CYP3A5: variants seen among roughly 807,000 people sequenced by gnomAD.
CYP3A5 encodes the protein cytochrome P450 family 3 subfamily A member 5.
CYP3A5 carries 51 observed loss-of-function variants against 55.9 expected under a neutral mutation model. That is an observed-to-expected ratio of 0.91 (90% CI 0.73 to 1.15). CYP3A5 has a LOEUF of 1.15. Among genes scored for constraint, CYP3A5 ranks in the 50% most tolerant of loss-of-function variants. The probability of loss-of-function intolerance (pLI) is 0.00; values close to 1 mark genes in which losing one functional copy is unlikely to be tolerated. For synonymous variants in CYP3A5, 196 were observed against 213.9 expected (o/e 0.92, Z 0.73); for missense variants, 533 against 596.6 (o/e 0.89, Z 1.11).
chr7:99,649,261 A>G (rs563552057), intron 12 of CYP3A5, among the ~76,000 whole-genome samples: 7 of 152,342 alleles, frequency 4.6e-5, no homozygotes, highest in African/African-American at 1.4e-4. Context: ...GAAGCCATAG[A>G]TAAGATGGCA....
intron 8 of CYP3A5, 128 bp from the exon 9 acceptor site, chr7:99,663,010 G>A (rs558851002): frequency 1.2e-5 from 18 of 1,457,868 alleles, no homozygotes; most frequent in South Asian, 8.6e-5. Flanking sequence ...TCTTGAAGAC[G>A]TGTTACCTGA....
chr7:99,660,638 G>A lies in CYP3A5; in HGVS notation c.887C>T (p.Ala296Val). Residue 296 changes from alanine (A) to valine (V), a missense_variant, in exon 10 of 13, where the codon GCA (alanine) becomes GTA (valine). Transcript: ENST00000222982. Reference sequence around the variant, plus strand: ...AAAAATGAAGATTATTGACTGGGCTGCGAGCTCCAGATCAGACAGAGCTGA... The same window carrying A: ...AAAAATGAAGATTATTGACTGGGCTACGAGCTCCAGATCAGACAGAGCTGA... Reference protein sequence around the residue: ...SHKALSDLELAAQSIIFIFAG... With the variant: ...SHKALSDLELVAQSIIFIFAG... The A allele has an allele frequency of 6.2e-7, 1 of 1,613,902 alleles. No individual in the cohort carries two copies. The highest frequency in any genetic ancestry group is 8.5e-7 in the Non-Finnish European group (1 of 1,179,860).
intron 2 of CYP3A5, among the ~76,000 whole-genome samples, chr7:99,675,656 CCCCT>C (rs796159622): frequency 2.1e-4 from 7 of 33,188 alleles, no homozygotes; most frequent in East Asian, 7.6e-4. Flanking sequence ...CCCCTCCCCT[CCCCT>C]CCCCTCCCCT....
intron 1 of CYP3A5, among the ~76,000 whole-genome samples, chr7:99,679,125 C>G (rs534989360): frequency 1.2e-4 from 18 of 152,298 alleles, no homozygotes; most frequent in African/African-American, 4.3e-4. Flanking sequence ...AAGAATAAAT[C>G]CTCGAAACTT....
At chr7:99,648,637 G>A (rs1452937300) in intron 12 of CYP3A5, among the ~76,000 whole-genome samples, 1 of 151,078 alleles carries the variant, frequency 6.6e-6, no homozygotes, top group Non-Finnish European at 1.5e-5. Flanking sequence ...TCTGTGCCAG[G>A]CCTGAGACAA....
Position 99,679,928 on chromosome 7 carries a change from A to G in CYP3A5, c.-32T>C. 4 of 1,601,066 alleles carry G rather than the reference A, an allele frequency of 2.5e-6. No homozygotes were observed. The highest frequency in any genetic ancestry group is 3.4e-6 in the Non-Finnish European group (4 of 1,168,270). Reference sequence around the variant, plus strand: ...TTTCCTTCTTCAACTGTGTTCTGTGAGTCTTCCTTTTAGCTGAGTGCTGCT... The same window carrying G: ...TTTCCTTCTTCAACTGTGTTCTGTGGGTCTTCCTTTTAGCTGAGTGCTGCT... On this transcript the variant is annotated 5_prime_UTR_variant, in exon 1 of 13. Transcript: ENST00000222982.
intron 3 of CYP3A5, among the ~76,000 whole-genome samples, chr7:99,673,831 G>T (rs1811946786): frequency 6.6e-6 from 1 of 152,218 alleles, no homozygotes; most frequent in South Asian, 2.1e-4. Context: ...GCAGACACTG[G>T]ACAGAAGGCG....
At chr7:99,660,218 T>TC (rs1810285515) in intron 10 of CYP3A5, 1 of 817,058 alleles carries the variant, frequency 1.2e-6, no homozygotes, top group Non-Finnish European at 1.5e-6. Context: ...ACACTCCTTT[T>TC]TTTTTTTTTT....
intron 4 of CYP3A5, chr7:99,671,915 A>G (rs1584465414): frequency 2.9e-6 from 2 of 695,778 alleles, no homozygotes; most frequent in East Asian, 2.7e-5. Flanking sequence ...CTACCCACAC[A>G]CATAAACACA....
At chr7:99,675,600 C>T (rs1427984624) in intron 2 of CYP3A5, among the ~76,000 whole-genome samples, 1 of 135,392 alleles carries the variant, frequency 7.4e-6, no homozygotes, top group African/African-American at 2.7e-5. Context: ...ACACCTTTTC[C>T]TCTCCTCTCC....
At position 99,648,241 on chromosome 7, in the gene CYP3A5, T is replaced by C. The variant is rs41303967; in HGVS notation, c.*64A>G. 5.1e-5 allele frequency: 80 copies of C among 1,573,948 alleles called. No individual in the cohort carries two copies. The East Asian group carries it at 1.5e-3, about 30-fold the overall frequency. ...TATTTCAAGGTTTTATTGACTAAGTTGAAATCTCTGGTGTTCTGGGGCACA... is the reference window on the plus strand; with the variant it reads ...TATTTCAAGGTTTTATTGACTAAGTCGAAATCTCTGGTGTTCTGGGGCACA... On this transcript the variant is annotated 3_prime_UTR_variant, in exon 13 of 13. Transcript: ENST00000222982.
At position 99,676,614 on chromosome 7, in the gene CYP3A5, C is replaced by T. The variant is rs375749808; in HGVS notation, c.72-406G>A. Reference sequence around the variant, plus strand: ...AGTAAGATTTTTTTTGTCTTTTGCACTGATGATGAGATTTTGCATCACTGT... The same window carrying T: ...AGTAAGATTTTTTTTGTCTTTTGCATTGATGATGAGATTTTGCATCACTGT... On this transcript the variant is annotated intron_variant, in intron 1 of 12. Coordinates refer to ENST00000222982, the MANE Select transcript of CYP3A5 (RefSeq NM_000777.5). 1.6e-5 allele frequency: 20 copies of T among 1,257,982 alleles called. No individual in the cohort carries two copies. The African/African-American group carries it at 2.9e-4, about 18-fold the overall frequency. 77.9% of individuals were successfully genotyped at this position (1,257,982 alleles called of 1,614,324 possible).
At position 99,672,639 on chromosome 7, in the gene CYP3A5, G is replaced by T. The variant is rs1811782880; in HGVS notation, c.259C>A (p.Pro87Thr). 8 of 1,614,000 alleles carry T rather than the reference G, an allele frequency of 5.0e-6. No homozygotes were observed. The South Asian group carries it at 6.6e-5, about 13-fold the overall frequency. The change falls in exon 4 of 13, where the codon CCC becomes ACC. Residue 87 changes from proline to threonine, a missense_variant. Coordinates refer to ENST00000222982, the MANE Select transcript of CYP3A5 (RefSeq NM_000777.5). ...GQLPVLAITD[P>T]DVIRTVLVKE... ...ACTAGCACTGTTCTGATCACGTCGG[G>T]ATCTGTGATGGCCAGCACAGGGAGT...
At chr7:99,659,122 G>A (rs1424740075) in intron 10 of CYP3A5, 6 of 152,166 alleles carry the variant, frequency 3.9e-5, no homozygotes, top group African/African-American at 2.4e-5. Flanking sequence ...TTGCTGGTGC[G>A]GAGCTGCGTT....
chr7:99,655,993 G>A (rs1183404152), intron 10 of CYP3A5, among the ~76,000 whole-genome samples: 1 of 152,120 alleles, frequency 6.6e-6, no homozygotes, highest in Admixed American at 6.5e-5. Flanking sequence ...AGACGATGGG[G>A]TTTTCTAGAT....
At position 99,662,451 on chromosome 7, in the gene CYP3A5, C is replaced by CT. The variant is rs1810548243; in HGVS notation, c.865+364dup. On this transcript the variant is annotated intron_variant, in intron 9 of 12. Coordinates refer to ENST00000222982, the MANE Select transcript of CYP3A5 (RefSeq NM_000777.5). The surrounding 1 kb of genome is among the most constrained non-coding windows in gnomAD (Gnocchi z 4.3). ...TCAAGTACTGCCAGTTAAAATCACC[C>CT]TTACTGGGATAGTGTGCTTCCTGAT... is the stretch of plus-strand genomic sequence containing the variant. Among the ~76,000 whole-genome samples, 1 of 152,178 alleles carries CT rather than the reference C, an allele frequency of 6.6e-6. No individual in the cohort carries two copies.
intron 12 of CYP3A5, among the ~76,000 whole-genome samples, chr7:99,649,324 G>C (rs1808927513): frequency 6.6e-6 from 1 of 152,198 alleles, no homozygotes; most frequent in African/African-American, 2.4e-5. Flanking sequence ...AAGGGGTAGA[G>C]TTGCATATTA....
rs1173268013 is a variant in CYP3A5 at position 99,653,576 on chromosome 7, TAA to T, written c.1027-799_1027-798del. Among the ~76,000 whole-genome samples, 1 of 152,210 alleles carries T rather than the reference TAA, an allele frequency of 6.6e-6. No individual in the cohort carries two copies. Among genetic ancestry groups the T allele is most frequent in the East Asian group, 1.9e-4 (1 of 5,204 alleles). ...CAAGGTACACAATTTGAGTTCTAGT[TAA>T]AGTTATGAAGAGAATAGAACCCCAC... is the stretch of plus-strand genomic sequence containing the variant. On this transcript the variant is annotated intron_variant, in intron 10 of 12. Coordinates refer to ENST00000222982, the MANE Select transcript of CYP3A5 (RefSeq NM_000777.5). This position sits in a 1 kb window ranked among gnomAD's most constrained non-coding sequence, Gnocchi z 4.2.
rs556532420 is a variant in CYP3A5, at chr7:99,668,922, A to G, written c.319-1857T>C. Reference sequence around the variant, plus strand: ...TGGCAAGTAAAACCCAGCAATTATCAATAATATTTCAACCTACCTTTGTAG... The same window carrying G: ...TGGCAAGTAAAACCCAGCAATTATCGATAATATTTCAACCTACCTTTGTAG... On this transcript the variant is annotated intron_variant, in intron 4 of 12. Coordinates refer to ENST00000222982, the MANE Select transcript of CYP3A5 (RefSeq NM_000777.5). 2.6e-5 allele frequency among the ~76,000 whole-genome samples: 4 copies of G among 152,346 alleles called. No homozygotes were observed. In the East Asian group the frequency reaches 7.7e-4, roughly 29 times the overall value.
Sources: allele counts gnomAD v4.1 joint callset (sites outside exome capture counted in the v4.1 genomes callset), GRCh38; gene constraint gnomAD v4.1.1; non-coding constraint Gnocchi (gnomAD v3.1); transcripts MANE v1.5; gene names NCBI Gene and HGNC (gene_info 2026-07-23, HGNC 2026-07-21).